ZFHX3: variants seen among roughly 807,000 people sequenced by gnomAD.
ZFHX3 encodes zinc finger homeobox 3.
ZFHX3 carries 42 observed loss-of-function variants against 279.1 expected under a neutral mutation model. The ratio of observed to expected loss-of-function variants is 0.15; its 90% CI spans 0.12 to 0.19. The LOEUF is 0.19. Ranked by LOEUF, ZFHX3 falls within the 10% of genes least tolerant of loss-of-function variation. ZFHX3 has a pLI of 1.00. For missense variants in ZFHX3, 4,981 were observed against 4,754.0 expected (o/e 1.05, Z -1.40); for synonymous variants, 2,293 against 1,957.8 (o/e 1.17, Z -4.52).
chr16:73,647,580 A>G (rs1285099004), intron 2 of ZFHX3, among the ~76,000 whole-genome samples: 1 of 152,194 alleles, frequency 6.6e-6, no homozygotes, highest in Admixed American at 6.5e-5. Context: ...TGGAACTGTG[A>G]GTCAATTAAA....
intron 5 of ZFHX3, among the ~76,000 whole-genome samples, chr16:73,176,561 G>A (rs529235608): frequency 1.3e-5 from 2 of 151,536 alleles, no homozygotes; most frequent in East Asian, 1.9e-4. Context: ...AAATGCCCTC[G>A]GCTGAATTTT....
chr16:72,832,617 G>C (rs535165809), intron 4 of ZFHX3, among the ~76,000 whole-genome samples: 2 of 152,302 alleles, frequency 1.3e-5, no homozygotes, highest in African/African-American at 4.8e-5. Flanking sequence ...CGAAAATCCT[G>C]GATAAGCCAG....
At chr16:73,679,937 G>C (rs2052993355) in intron 2 of ZFHX3, 2 of 152,320 alleles carry the variant, frequency 1.3e-5, no homozygotes, top group African/African-American at 4.8e-5. Flanking sequence ...ACACCTCAAT[G>C]TGCAGAGGAT....
chr16:73,624,768 T>A (rs2142141137), intron 2 of ZFHX3, among the ~76,000 whole-genome samples: 1 of 152,266 alleles, frequency 6.6e-6, no homozygotes. Flanking sequence ...GAGGTCACCG[T>A]AAGAAGTCCC....
chr16:73,284,969 T>C (rs1357572558), intron 4 of ZFHX3, among the ~76,000 whole-genome samples: 1 of 152,258 alleles, frequency 6.6e-6, no homozygotes, highest in African/African-American at 2.4e-5. Context: ...GCCTCCCAAG[T>C]AGCTGAGTCT....
chr16:72,830,665 G>A (rs1319296398), intron 4 of ZFHX3, among the ~76,000 whole-genome samples: 1 of 152,184 alleles, frequency 6.6e-6, no homozygotes, highest in Non-Finnish European at 1.5e-5. Flanking sequence ...TGCTTATGAA[G>A]TCAAATGTCG....
rs934141887 is a variant in ZFHX3, at chr16:73,328,729, T to C, written c.-1290-10393A>G. On this transcript the variant is annotated intron_variant, in intron 3 of 17. Transcript: ENST00000641206. Reference sequence around the variant, plus strand: ...AGGAGACTTGTAACAGAATTAAAGATAAGTGCTCAGAAGGATAAAACCAGG... The same window carrying C: ...AGGAGACTTGTAACAGAATTAAAGACAAGTGCTCAGAAGGATAAAACCAGG... Among the ~76,000 whole-genome samples, 27 of 152,348 alleles carry C rather than the reference T, an allele frequency of 1.8e-4. 1 individual carries two copies. In the South Asian group the frequency reaches 2.5e-3, roughly 14 times the overall value.
intron 1 of ZFHX3, among the ~76,000 whole-genome samples, chr16:73,801,180 T>C: frequency 6.6e-6 from 1 of 152,206 alleles, no homozygotes; most frequent in East Asian, 1.9e-4. Context: ...AGGGATTTGT[T>C]TATTTTCATC....
At chr16:73,178,644 A>G (rs1240349419) in intron 5 of ZFHX3, among the ~76,000 whole-genome samples, 1 of 152,110 alleles carries the variant, frequency 6.6e-6, no homozygotes, top group African/African-American at 2.4e-5. Context: ...AATTCAACAC[A>G]ATAGTTTATT....
intron 3 of ZFHX3, among the ~76,000 whole-genome samples, chr16:73,361,379 G>A (rs557584477): frequency 4.3e-4 from 65 of 152,366 alleles, no homozygotes; most frequent in Admixed American, 8.5e-4. Context: ...TTTGGCTTGA[G>A]CGATGAGAGA....
intron 1 of ZFHX3, among the ~76,000 whole-genome samples, chr16:73,841,620 T>A (rs1250871221): frequency 6.6e-6 from 1 of 151,852 alleles, no homozygotes; most frequent in South Asian, 2.1e-4. Flanking sequence ...CGGACCACTA[T>A]CTCCTCCCCA....
At chr16:73,733,684 C>T (rs2053587158) in intron 1 of ZFHX3, among the ~76,000 whole-genome samples, 1 of 152,100 alleles carries the variant, frequency 6.6e-6, no homozygotes, top group African/African-American at 2.4e-5. Flanking sequence ...AATGAGTCCT[C>T]TAAATTTTAG....
At position 72,958,573 on chromosome 16, in the gene ZFHX3, G is replaced by A. The variant is rs1368369137; in HGVS notation, c.1573C>T (p.Leu525Phe). The change falls in exon 2 of 10, where the codon CTC becomes TTC. Residue 525 changes from leucine (L) to phenylalanine (F), a missense_variant. Transcript: ENST00000268489. ...AGSSSKKDLA[L>F]SNQSISNSPL... Reference sequence around the variant, plus strand: ...GAGTTAGAAATGCTTTGGTTTGAGAGAGCAAGGTCCTTTTTGCTGCTACTA... The same window carrying A: ...GAGTTAGAAATGCTTTGGTTTGAGAAAGCAAGGTCCTTTTTGCTGCTACTA... The A allele has an allele frequency of 6.2e-7, 1 of 1,614,160 alleles. No homozygotes were observed. Among genetic ancestry groups the A allele is most frequent in the Non-Finnish European group, 8.5e-7 (1 of 1,180,040 alleles).
At chr16:73,089,598 C>T (rs1002464840) in intron 8 of ZFHX3, among the ~76,000 whole-genome samples, 5 of 152,320 alleles carry the variant, frequency 3.3e-5, no homozygotes, top group African/African-American at 1.2e-4. Context: ...TCCATTGACC[C>T]TGCACTGACT....
intron 3 of ZFHX3, among the ~76,000 whole-genome samples, chr16:73,403,495 T>C (rs1299916567): frequency 6.6e-6 from 1 of 152,226 alleles, no homozygotes; most frequent in Non-Finnish European, 1.5e-5. Flanking sequence ...GTACCTTTTC[T>C]TGTGGATACA....
upstream of ZFHX3, among the ~76,000 whole-genome samples, chr16:73,062,751 CG>C (rs1965701578): frequency 6.6e-6 from 1 of 151,626 alleles, no homozygotes; most frequent in Non-Finnish European, 1.5e-5. Flanking sequence ...AAGAAAACCC[CG>C]TGTGGAGGCA....
intron 1 of ZFHX3, among the ~76,000 whole-genome samples, chr16:73,821,289 T>C (rs1436086237): frequency 6.6e-6 from 1 of 152,126 alleles, no homozygotes; most frequent in Non-Finnish European, 1.5e-5. Flanking sequence ...AGCACAGAGG[T>C]CTCTCCTGCT....
At chr16:73,093,598 C>G (rs768620777) in exon 8 of ZFHX3, 13 of 510,946 alleles carry the variant, frequency 2.5e-5, no homozygotes, top group Non-Finnish European at 4.7e-5. Flanking sequence ...CCGGTCGTCT[C>G]CTGCAAACAG....
In ZFHX3 at chr16:73,414,655, G is replaced by C. The variant is rs530407075; in HGVS notation, c.-1291+41348C>G. ...GTTTGAGACCAGCCTGAGCAACATAGGGAGACCCCCATCTCTACAAAAATT... is the reference window on the plus strand; with the variant it reads ...GTTTGAGACCAGCCTGAGCAACATACGGAGACCCCCATCTCTACAAAAATT... On this transcript the variant is annotated intron_variant, in intron 3 of 17. Coordinates refer to the ZFHX3 transcript ENST00000641206. Among the ~76,000 whole-genome samples, 17 of 152,262 alleles carry C rather than the reference G, an allele frequency of 1.1e-4. No homozygotes were observed. The East Asian group carries it at 3.3e-3, about 29-fold the overall frequency.
Sources: gnomAD v4.1 joint callset for allele counts (sites outside exome capture counted in the v4.1 genomes callset) on GRCh38, gnomAD v4.1.1 for gene constraint, MANE v1.5 for transcripts, NCBI Gene and HGNC (gene_info 2026-07-23, HGNC 2026-07-21) for gene names.